VTI1A: variants seen among roughly 807,000 people sequenced by gnomAD.
VTI1A encodes vesicle transport through interaction with t-SNAREs 1A, also known as vesicle transport through interaction with t-SNAREs homolog 1A.
In VTI1A, 22 loss-of-function variants were observed where a neutral mutation model predicts 34.9. The ratio of observed to expected loss-of-function variants is 0.63; its 90% CI spans 0.45 to 0.90. The LOEUF is 0.90. VTI1A is among the 40% of genes least tolerant of loss of function. The pLI is 0.00. For synonymous variants in VTI1A, 87 were observed against 97.3 expected (o/e 0.89, Z 0.62); for missense variants, 268 against 275.6 (o/e 0.97, Z 0.20).
At chr10:112,638,793 T>C (rs1012802317) in intron 5 of VTI1A, among the ~76,000 whole-genome samples, 1 of 150,872 alleles carries the variant, frequency 6.6e-6, no homozygotes, top group Non-Finnish European at 1.5e-5. Flanking sequence ...CATTTCCTTC[T>C]GGCTTAGTCC....
At chr10:112,551,039 G>C (rs764178942) in intron 5 of VTI1A, among the ~76,000 whole-genome samples, 8 of 152,008 alleles carry the variant, frequency 5.3e-5, no homozygotes, top group South Asian at 2.1e-4. Flanking sequence ...GTCGGGAGAT[G>C]GAGACCATCC....
At chr10:112,692,427 T>C (rs1411457240) in intron 7 of VTI1A, among the ~76,000 whole-genome samples, 1 of 152,220 alleles carries the variant, frequency 6.6e-6, no homozygotes, top group African/African-American at 2.4e-5. Flanking sequence ...CACACACTTC[T>C]TTCATGGCAT....
At chr10:112,735,227 C>T (rs1240533354) in intron 7 of VTI1A, among the ~76,000 whole-genome samples, 3 of 152,104 alleles carry the variant, frequency 2.0e-5, no homozygotes, top group African/African-American at 4.8e-5. Context: ...ACAAATTGCA[C>T]AGGAGGCATT....
intron 2 of VTI1A, among the ~76,000 whole-genome samples, chr10:112,461,329 C>A (rs1847720986): frequency 6.6e-6 from 1 of 152,202 alleles, no homozygotes; most frequent in South Asian, 2.1e-4. Context: ...AAACCCAATC[C>A]TGAAAAATGG....
chr10:112,796,704 G>A (rs1164098119), intron 7 of VTI1A, among the ~76,000 whole-genome samples: 4 of 152,138 alleles, frequency 2.6e-5, no homozygotes, highest in African/African-American at 9.7e-5. Flanking sequence ...AGTTCTTCCT[G>A]GGCCTGTAAA....
intron 7 of VTI1A, among the ~76,000 whole-genome samples, chr10:112,695,153 T>G (rs1167645221): frequency 6.6e-6 from 1 of 152,168 alleles, no homozygotes; most frequent in Non-Finnish European, 1.5e-5. Flanking sequence ...TAGAGAAACA[T>G]TTATCTTACC....
chr10:112,855,259 C>T, the VTI1A span, among the ~76,000 whole-genome samples: 2 of 152,318 alleles, frequency 1.3e-5, no homozygotes, highest in South Asian at 4.1e-4. Context: ...GGCTTCCCCT[C>T]ACCCACTCTA....
At chr10:112,855,011 G>A in the VTI1A span, among the ~76,000 whole-genome samples, 1 of 152,174 alleles carries the variant, frequency 6.6e-6, no homozygotes, top group Non-Finnish European at 1.5e-5. Flanking sequence ...GGCCTCCAAA[G>A]AGTTCTGCCA....
At chr10:112,601,278 T>C (rs1489402829) in intron 5 of VTI1A, among the ~76,000 whole-genome samples, 1 of 152,086 alleles carries the variant, frequency 6.6e-6, no homozygotes, top group African/African-American at 2.4e-5. Context: ...AGAAAGATAT[T>C]GACCACAGAG....
chr10:112,662,183 C>G lies in VTI1A; in HGVS notation c.428-6035C>G, dbSNP rs148786580. Among the ~76,000 whole-genome samples the G allele has an allele frequency of 1.2e-3, 180 of 152,254 alleles. 1 individual carries two copies. Among genetic ancestry groups the G allele is most frequent in the African/African-American group, 3.9e-3 (163 of 41,544 alleles). On this transcript the variant is annotated intron_variant, in intron 5 of 7. Coordinates refer to ENST00000393077, the MANE Select transcript of VTI1A (RefSeq NM_145206.4). ...TGTTAAACTTCTTTGATCTGTGGAT[C>G]GGCTTTTTACAAAAATACAGATTGG...
At chr10:112,729,670 G>C (rs1034982422) in intron 7 of VTI1A, among the ~76,000 whole-genome samples, 1 of 152,294 alleles carries the variant, frequency 6.6e-6, no homozygotes, top group Admixed American at 6.5e-5. Context: ...TCTCTTACGA[G>C]GCACAAGCAG....
chr10:112,797,351 T>A (rs1852708641), intron 7 of VTI1A, among the ~76,000 whole-genome samples: 1 of 152,146 alleles, frequency 6.6e-6, no homozygotes, highest in Admixed American at 6.5e-5. Flanking sequence ...TCCCGGCTAG[T>A]GTATTTGCAG....
intron 5 of VTI1A, among the ~76,000 whole-genome samples, chr10:112,574,177 G>C (rs1329907597): frequency 6.6e-6 from 1 of 152,200 alleles, no homozygotes; most frequent in Non-Finnish European, 1.5e-5. Flanking sequence ...AGTTTGAGGA[G>C]TGGCACATGA....
intron 1 of VTI1A, among the ~76,000 whole-genome samples, chr10:112,457,151 G>T (rs1277269320): frequency 1.3e-5 from 2 of 152,088 alleles, no homozygotes; most frequent in Non-Finnish European, 2.9e-5. Flanking sequence ...AAATAAAGTT[G>T]GAAAGGATGC....
intron 5 of VTI1A, among the ~76,000 whole-genome samples, chr10:112,562,561 T>C (rs1851761949): frequency 6.6e-6 from 1 of 152,072 alleles, no homozygotes; most frequent in Admixed American, 6.6e-5. Context: ...CATATATAAC[T>C]ATATAAAATA....
intron 5 of VTI1A, among the ~76,000 whole-genome samples, chr10:112,641,178 T>A (rs980194328): frequency 1.3e-5 from 2 of 152,112 alleles, no homozygotes; most frequent in African/African-American, 4.8e-5. Flanking sequence ...AGCAGGCTTG[T>A]TGAGCTGTCA....
At chr10:112,533,521 A>G (rs998204034) in intron 4 of VTI1A, 2 of 1,009,598 alleles carry the variant, frequency 2.0e-6, no homozygotes, top group African/African-American at 1.7e-5. Flanking sequence ...TTGTGCATTC[A>G]TGTTGCAGTT....
intron 3 of VTI1A, among the ~76,000 whole-genome samples, chr10:112,519,888 A>G (rs1030361408): frequency 4.6e-5 from 7 of 152,036 alleles, no homozygotes; most frequent in African/African-American, 1.2e-4. Flanking sequence ...CAGATTTTCA[A>G]TGAATGACCC....
chr10:112,748,595 CTTT>C (rs746355549), intron 7 of VTI1A, among the ~76,000 whole-genome samples: 1 of 89,882 alleles, frequency 1.1e-5, no homozygotes, highest in African/African-American at 3.7e-5. Context: ...ACCTGTTACT[CTTT>C]TTTTTTTTTT....
Sources: allele counts gnomAD v4.1 joint callset (sites outside exome capture counted in the v4.1 genomes callset), GRCh38; gene constraint gnomAD v4.1.1; transcripts MANE v1.5; gene names NCBI Gene and HGNC (gene_info 2026-07-23, HGNC 2026-07-21).